The following MAGI2 variants were observed in gnomAD, a reference collection of about 807,000 sequenced individuals.
MAGI2 encodes the protein membrane-associated guanylate kinase, WW and PDZ domain-containing protein 2.
MAGI2 carries 35 observed loss-of-function variants against 133.3 expected under a neutral mutation model. That is an observed-to-expected ratio of 0.26 (90% confidence interval 0.20 to 0.35). The LOEUF (loss-of-function observed/expected upper bound fraction) is 0.35. Among genes scored for constraint, MAGI2 ranks in the 10% least tolerant of loss-of-function variants. MAGI2 has a pLI of 1.00. For synonymous variants in MAGI2, 729 were observed against 710.6 expected (o/e 1.03, Z -0.41); for missense variants, 1,636 against 1,863.4 (o/e 0.88, Z 2.25).
intron 2 of MAGI2, among the ~76,000 whole-genome samples, chr7:78,771,601 C>T (rs1048098459): frequency 1.3e-5 from 2 of 152,136 alleles, no homozygotes; most frequent in African/African-American, 4.8e-5. Flanking sequence ...CAGAATCATC[C>T]AGCTGAACAA....
chr7:78,656,160 C>A (rs1812254357), intron 2 of MAGI2, among the ~76,000 whole-genome samples: 2 of 152,066 alleles, frequency 1.3e-5, no homozygotes, highest in African/African-American at 4.8e-5. Context: ...ACCTGACAGA[C>A]TTGGGATTGA....
chr7:79,442,739 C>G (rs1243655611), intron 1 of MAGI2, among the ~76,000 whole-genome samples: 1 of 150,792 alleles, frequency 6.6e-6, no homozygotes, highest in African/African-American at 2.5e-5. Flanking sequence ...TCAGCCTTCA[C>G]TCTTCACACA....
chr7:78,703,506 A>G (rs1818286754), intron 2 of MAGI2, among the ~76,000 whole-genome samples: 1 of 152,018 alleles, frequency 6.6e-6, no homozygotes, highest in South Asian at 2.1e-4. Context: ...ATGGATACAG[A>G]TACAGTTTTT....
chr7:78,891,860 T>A (rs990014430), intron 2 of MAGI2, among the ~76,000 whole-genome samples: 1 of 152,166 alleles, frequency 6.6e-6, no homozygotes, highest in Non-Finnish European at 1.5e-5. Context: ...TTCAACATAG[T>A]GTTGGAAGTT....
intron 20 of MAGI2, among the ~76,000 whole-genome samples, chr7:78,080,757 C>A (rs1184494972): frequency 3.3e-5 from 5 of 152,134 alleles, no homozygotes; most frequent in African/African-American, 9.7e-5. Flanking sequence ...GGCTAACTAC[C>A]TTTCTCCCAA....
chr7:78,647,437 A>G (rs1038570235), intron 2 of MAGI2, among the ~76,000 whole-genome samples: 2 of 152,170 alleles, frequency 1.3e-5, no homozygotes, highest in Non-Finnish European at 2.9e-5. Flanking sequence ...AATCAAAACC[A>G]CAATGAGATA....
intron 7 of MAGI2, among the ~76,000 whole-genome samples, chr7:78,366,791 T>C (rs1793423823): frequency 6.6e-6 from 1 of 152,176 alleles, no homozygotes; most frequent in Admixed American, 6.5e-5. Context: ...TTGTCTCAGT[T>C]TTCTGTGTGG....
intron 10 of MAGI2, among the ~76,000 whole-genome samples, chr7:78,224,664 TCAACAA>T (rs72151757): frequency 9.3e-5 from 14 of 150,756 alleles, no homozygotes; most frequent in South Asian, 6.3e-4. Context: ...AGACTCTGTC[TCAACAA>T]CAACAACAGC....
intron 1 of MAGI2, among the ~76,000 whole-genome samples, chr7:79,284,272 C>G (rs1260119585): frequency 6.6e-6 from 1 of 152,054 alleles, no homozygotes; most frequent in Non-Finnish European, 1.5e-5. Context: ...TCCATGATAG[C>G]TGGAATCTTC....
intron 5 of MAGI2, among the ~76,000 whole-genome samples, chr7:78,501,267 A>T (rs372392163): frequency 9.9e-5 from 15 of 152,208 alleles, no homozygotes; most frequent in Admixed American, 6.5e-4. Flanking sequence ...GAGCTGAGTA[A>T]GCACTTTCTC....
At position 78,170,079 on chromosome 7, in the gene MAGI2, C is replaced by T. The variant is rs751631769; in HGVS notation, c.2404-1971G>A. On this transcript the variant is annotated intron_variant, in intron 14 of 21. Coordinates refer to ENST00000354212, the MANE Select transcript of MAGI2 (RefSeq NM_012301.4). ...GAAAATGCTTCAACCTTTAGCTTTC[C>T]GATACACTTTAGTGAGAGACTTTAC... is the stretch of plus-strand genomic sequence containing the variant. 4 of 152,236 alleles carry T rather than the reference C, an allele frequency of 2.6e-5. No individual in the cohort carries two copies. In the South Asian group the frequency reaches 6.2e-4, roughly 24 times the overall value. 9.4% of individuals were successfully genotyped at this position (152,236 alleles called of 1,614,324 possible).
chr7:78,458,297 A>AAAAAG (rs1789555775), intron 6 of MAGI2, among the ~76,000 whole-genome samples: 1 of 147,316 alleles, frequency 6.8e-6, no homozygotes, highest in South Asian at 2.1e-4. Flanking sequence ...TCGGTCTCAA[A>AAAAAG]AAAAAAAAAA....
chr7:78,803,628 G>A (rs559447462), intron 2 of MAGI2, among the ~76,000 whole-genome samples: 18 of 152,190 alleles, frequency 1.2e-4, no homozygotes, highest in African/African-American at 4.3e-4. Flanking sequence ...TTTGAAAAAT[G>A]TCACTAATGA....
At chr7:78,560,553 A>T (rs114378872) in intron 3 of MAGI2, among the ~76,000 whole-genome samples, 4,276 of 152,296 alleles carry the variant, frequency 0.028, 196 homozygotes, top group African/African-American at 0.097. Context: ...AAATTTTTTT[A>T]AAATTATGTT....
At chr7:79,182,392 T>A (rs532067997) in intron 1 of MAGI2, among the ~76,000 whole-genome samples, 1 of 151,926 alleles carries the variant, frequency 6.6e-6, no homozygotes, top group African/African-American at 2.4e-5. Context: ...CTTCCCTTTT[T>A]AAAACCATCA....
chr7:79,070,737 C>A (rs1022248208), intron 1 of MAGI2, among the ~76,000 whole-genome samples: 1 of 151,990 alleles, frequency 6.6e-6, no homozygotes, highest in African/African-American at 2.4e-5. Context: ...GTGATCCACC[C>A]ACCTCAGCCT....
At chr7:78,834,023 G>A (rs1791411881) in intron 2 of MAGI2, among the ~76,000 whole-genome samples, 1 of 152,244 alleles carries the variant, frequency 6.6e-6, no homozygotes, top group Non-Finnish European at 1.5e-5. Flanking sequence ...TTTGGAGATG[G>A]AGTCTCACTC....
intron 1 of MAGI2, among the ~76,000 whole-genome samples, chr7:79,076,478 T>C (rs1384975662): frequency 2.6e-5 from 4 of 152,204 alleles, no homozygotes; most frequent in Non-Finnish European, 4.4e-5. Context: ...TGATAGAGCT[T>C]AGCAGGGTTC....
intron 1 of MAGI2, among the ~76,000 whole-genome samples, chr7:79,055,012 C>T (rs1382037660): frequency 2.6e-5 from 4 of 152,128 alleles, no homozygotes; most frequent in African/African-American, 4.8e-5. Context: ...AGGCTGATCT[C>T]GAACTCCTGA....
Sources: allele counts gnomAD v4.1 joint callset (sites outside exome capture counted in the v4.1 genomes callset), GRCh38; gene constraint gnomAD v4.1.1; transcripts MANE v1.5; gene names NCBI Gene and HGNC (gene_info 2026-07-23, HGNC 2026-07-21).